The following SAMMSON variants were observed in gnomAD, a reference collection of about 807,000 sequenced individuals.
The protein encoded by SAMMSON is survival associated mitochondrial melanoma specific oncogenic non-coding RNA.
chr3:70,050,718 G>A (rs944280495), intron 3 of SAMMSON, among the ~76,000 whole-genome samples: 1 of 152,046 alleles, frequency 6.6e-6, no homozygotes, highest in Non-Finnish European at 1.5e-5. Context: ...TGATCAGTTG[G>A]TTGACTCGAA....
At chr3:70,043,534 T>C (rs2067113419) in intron 3 of SAMMSON, among the ~76,000 whole-genome samples, 2 of 152,120 alleles carry the variant, frequency 1.3e-5, no homozygotes, top group South Asian at 4.1e-4. Flanking sequence ...GGTAGTTGTT[T>C]ATTTTTGTCG....
intron 4 of SAMMSON, among the ~76,000 whole-genome samples, chr3:70,158,807 G>A (rs1480264164): frequency 6.6e-6 from 1 of 151,908 alleles, no homozygotes; most frequent in Non-Finnish European, 1.5e-5. Flanking sequence ...AATACTTTAG[G>A]AAAACCTTGC....
chr3:70,241,781 A>C (rs1701668770), intron 4 of SAMMSON, among the ~76,000 whole-genome samples: 1 of 152,168 alleles, frequency 6.6e-6, no homozygotes, highest in Non-Finnish European at 1.5e-5. Context: ...AAAAACCATT[A>C]ATGTTGAAAA....
At chr3:70,429,588 C>G (rs975014346) in intron 2 of SAMMSON, among the ~76,000 whole-genome samples, 2 of 152,128 alleles carry the variant, frequency 1.3e-5, no homozygotes, top group Non-Finnish European at 1.5e-5. Flanking sequence ...ATTGATTCTT[C>G]CTATCCATGA....
intron 3 of SAMMSON, among the ~76,000 whole-genome samples, chr3:70,018,544 T>C (rs1307329849): frequency 6.6e-6 from 1 of 152,312 alleles, no homozygotes; most frequent in African/African-American, 2.4e-5. Context: ...CCTGGATTCA[T>C]TGATTTTTTT....
intron 4 of SAMMSON, among the ~76,000 whole-genome samples, chr3:70,116,920 A>G (rs2067413842): frequency 6.6e-6 from 1 of 152,214 alleles, no homozygotes; most frequent in African/African-American, 2.4e-5. Context: ...TTAAAGCTCT[A>G]TCTTTATTGC....
chr3:70,407,558 C>T (rs1197480241), intron 2 of SAMMSON, among the ~76,000 whole-genome samples: 1 of 152,220 alleles, frequency 6.6e-6, no homozygotes, highest in Non-Finnish European at 1.5e-5. Flanking sequence ...TTTAAAGCTT[C>T]AAAATGATCT....
chr3:70,193,053 G>A (rs1701143561), intron 4 of SAMMSON, among the ~76,000 whole-genome samples: 1 of 152,062 alleles, frequency 6.6e-6, no homozygotes, highest in Non-Finnish European at 1.5e-5. Flanking sequence ...TCCAGGCTTT[G>A]CCAAATTGTG....
intron 6 of SAMMSON, among the ~76,000 whole-genome samples, chr3:70,270,689 T>C (rs1407016010): frequency 6.6e-6 from 1 of 152,156 alleles, no homozygotes; most frequent in Non-Finnish European, 1.5e-5. Context: ...AAATACACCA[T>C]GGAATACTAT....
At chr3:70,378,981 T>TTATA (rs1217580064) in intron 9 of SAMMSON, among the ~76,000 whole-genome samples, 1 of 58,768 alleles carries the variant, frequency 1.7e-5, no homozygotes, top group Non-Finnish European at 3.5e-5. Flanking sequence ...ACTTACACTT[T>TTATA]TATTTATTTA....
At chr3:70,140,439 A>C (rs780020981) in intron 4 of SAMMSON, 61 of 187,608 alleles carry the variant, frequency 3.3e-4, no homozygotes, top group Non-Finnish European at 6.0e-4. Context: ...GACTTTTTGC[A>C]TGCAAGGGAC....
At chr3:70,206,712 T>G in intron 4 of SAMMSON, 1 of 397,920 alleles carries the variant, frequency 2.5e-6, no homozygotes, top group Non-Finnish European at 4.4e-6. Context: ...ATCTGTGATA[T>G]TGAAGTCAGA....
At chr3:70,105,228 G>C (rs1222453538) in intron 4 of SAMMSON, among the ~76,000 whole-genome samples, 1 of 152,106 alleles carries the variant, frequency 6.6e-6, no homozygotes, top group Non-Finnish European at 1.5e-5. Flanking sequence ...AGAAAAAGTT[G>C]TTGGTTTTAT....
At chr3:70,240,861 C>T (rs1701660737) in intron 4 of SAMMSON, among the ~76,000 whole-genome samples, 1 of 151,916 alleles carries the variant, frequency 6.6e-6, no homozygotes, top group Non-Finnish European at 1.5e-5. Context: ...AATATAGGCC[C>T]ATAAGATGAC....
chr3:70,425,513 A>C (rs1354656807), intron 2 of SAMMSON, among the ~76,000 whole-genome samples: 2 of 151,740 alleles, frequency 1.3e-5, no homozygotes, highest in Non-Finnish European at 2.9e-5. Flanking sequence ...CCAGGTTCAC[A>C]CCATTCTCCT....
intron 4 of SAMMSON, among the ~76,000 whole-genome samples, chr3:70,215,293 G>A (rs1701397342): frequency 1.3e-5 from 2 of 152,006 alleles, no homozygotes; most frequent in South Asian, 2.1e-4. Flanking sequence ...TTGAACTTAC[G>A]TCTTCTAATT....
At chr3:70,143,002 A>T (rs1014896590) in intron 4 of SAMMSON, among the ~76,000 whole-genome samples, 1 of 152,186 alleles carries the variant, frequency 6.6e-6, no homozygotes, top group African/African-American at 2.4e-5. Context: ...ACACAGAATG[A>T]TCTCAGTTTG....
chr3:70,398,037 T>C (rs1445227047), intron 2 of SAMMSON, among the ~76,000 whole-genome samples: 1 of 152,224 alleles, frequency 6.6e-6, no homozygotes, highest in African/African-American at 2.4e-5. Context: ...CAATTTTGAA[T>C]AATAATGGTC....
intron 6 of SAMMSON, among the ~76,000 whole-genome samples, chr3:70,279,164 A>C (rs1702056691): frequency 6.6e-6 from 1 of 151,178 alleles, no homozygotes; most frequent in Non-Finnish European, 1.5e-5. Flanking sequence ...AATAAGTGCC[A>C]TTCCATATTT....
Sources: gnomAD v4.1 joint callset for allele counts (sites outside exome capture counted in the v4.1 genomes callset) on GRCh38, gnomAD v4.1.1 for gene constraint, MANE v1.5 for transcripts, NCBI Gene and HGNC (gene_info 2026-07-23, HGNC 2026-07-21) for gene names.